Variants in HS6ST3 observed in about 807,000 individuals in gnomAD.
HS6ST3 encodes the protein heparan-sulfate 6-O-sulfotransferase 3.
A neutral mutation model predicts 36.7 loss-of-function variants in HS6ST3; 12 were observed. That is an observed-to-expected ratio of 0.33 (90% CI 0.21 to 0.53). The LOEUF (loss-of-function observed/expected upper bound fraction) is 0.53, where lower values mean the gene tolerates loss of function less well. HS6ST3 is among the 20% of genes least tolerant of loss of function. The pLI is 0.95. For synonymous variants in HS6ST3, 240 were observed against 257.5 expected (o/e 0.93, Z 0.65); for missense variants, 584 against 640.9 (o/e 0.91, Z 0.96).
At chr13:96,365,283 C>A (rs898624016) in intron 1 of HS6ST3, among the ~76,000 whole-genome samples, 1 of 152,176 alleles carries the variant, frequency 6.6e-6, no homozygotes, top group African/African-American at 2.4e-5. Flanking sequence ...GAATGTGCCA[C>A]CCTGTGCCAC....
chr13:96,185,731 C>G (rs1174603613), intron 1 of HS6ST3, among the ~76,000 whole-genome samples: 1 of 152,058 alleles, frequency 6.6e-6, no homozygotes, highest in Non-Finnish European at 1.5e-5. Flanking sequence ...TGGTTCAATT[C>G]CAAAATTTTA....
chr13:96,196,040 G>C (rs1169223612), intron 1 of HS6ST3, among the ~76,000 whole-genome samples: 1 of 152,078 alleles, frequency 6.6e-6, no homozygotes, highest in Non-Finnish European at 1.5e-5. Context: ...TTACTTGTGT[G>C]CTTTTTCCTC....
intron 1 of HS6ST3, among the ~76,000 whole-genome samples, chr13:96,486,745 T>G (rs1190447533): frequency 1.3e-5 from 2 of 152,042 alleles, no homozygotes; most frequent in Non-Finnish European, 2.9e-5. Flanking sequence ...TAGGAGCTCT[T>G]GGATAATAGA....
At chr13:96,121,701 A>T (rs185719879) in intron 1 of HS6ST3, among the ~76,000 whole-genome samples, 1 of 152,152 alleles carries the variant, frequency 6.6e-6, no homozygotes, top group African/African-American at 2.4e-5. Flanking sequence ...GGCTATGGTG[A>T]CTCCATTTGG....
chr13:96,266,853 A>G (rs1325817693), intron 1 of HS6ST3, among the ~76,000 whole-genome samples: 2 of 152,188 alleles, frequency 1.3e-5, no homozygotes, highest in African/African-American at 4.8e-5. Context: ...CAAAATAAAT[A>G]TAGTACCTGC....
chr13:96,125,244 T>C (rs1198633341), intron 1 of HS6ST3, among the ~76,000 whole-genome samples: 1 of 152,050 alleles, frequency 6.6e-6, no homozygotes, highest in African/African-American at 2.4e-5. Flanking sequence ...ATATCCTGGG[T>C]TAAGGTAGTA....
chr13:96,239,460 C>T (rs1329317735), intron 1 of HS6ST3, among the ~76,000 whole-genome samples: 1 of 152,144 alleles, frequency 6.6e-6, no homozygotes, highest in Non-Finnish European at 1.5e-5. Context: ...TCCATAAAAG[C>T]AATTATAACG....
intron 1 of HS6ST3, among the ~76,000 whole-genome samples, chr13:96,098,547 A>G (rs924188316): frequency 6.6e-6 from 1 of 152,206 alleles, no homozygotes; most frequent in Admixed American, 6.5e-5. Context: ...CTGGCCAGGC[A>G]TGGTGGCTCA....
intron 1 of HS6ST3, among the ~76,000 whole-genome samples, chr13:96,684,468 G>A (rs903320631): frequency 2.6e-5 from 4 of 152,004 alleles, no homozygotes; most frequent in East Asian, 1.9e-4. Context: ...ATCAGGGCTA[G>A]GCGACTTATG....
intron 1 of HS6ST3, among the ~76,000 whole-genome samples, chr13:96,737,868 C>T (rs922956707): frequency 6.6e-6 from 1 of 152,106 alleles, no homozygotes; most frequent in East Asian, 1.9e-4. Flanking sequence ...TTCAAGCCAG[C>T]AGTCACATTG....
chr13:96,156,906 G>C (rs1420264868), intron 1 of HS6ST3, among the ~76,000 whole-genome samples: 1 of 151,978 alleles, frequency 6.6e-6, no homozygotes, highest in Non-Finnish European at 1.5e-5. Flanking sequence ...AATGGTGCCT[G>C]GCCAGGAACC....
chr13:96,127,057 T>G (rs2053955625), intron 1 of HS6ST3, among the ~76,000 whole-genome samples: 1 of 152,192 alleles, frequency 6.6e-6, no homozygotes, highest in East Asian at 1.9e-4. Context: ...GACAATGAAG[T>G]GTTTGGCACT....
At chr13:96,183,304 G>A (rs184659190) in intron 1 of HS6ST3, among the ~76,000 whole-genome samples, 4 of 152,208 alleles carry the variant, frequency 2.6e-5, no homozygotes, top group East Asian at 1.9e-4. Context: ...GAATTGAAAC[G>A]TTGATTTCCA....
chr13:96,221,212 G>A (rs2054453468), intron 1 of HS6ST3, among the ~76,000 whole-genome samples: 1 of 152,304 alleles, frequency 6.6e-6, no homozygotes, highest in South Asian at 2.1e-4. Context: ...TAATTAGAAA[G>A]CAGTTAGGGT....
At chr13:96,260,883 G>A (rs955765841) in intron 1 of HS6ST3, among the ~76,000 whole-genome samples, 4 of 151,728 alleles carry the variant, frequency 2.6e-5, no homozygotes, top group African/African-American at 7.2e-5. Context: ...CAAGTGATCC[G>A]CCCTCCTTGG....
intron 1 of HS6ST3, among the ~76,000 whole-genome samples, chr13:96,505,875 C>T (rs1038326239): frequency 6.6e-6 from 1 of 152,064 alleles, no homozygotes; most frequent in Non-Finnish European, 1.5e-5. Flanking sequence ...TTTGCTGTAC[C>T]AGTGCTTTTA....
At chr13:96,558,906 T>C (rs138291635) in intron 1 of HS6ST3, among the ~76,000 whole-genome samples, 2 of 152,190 alleles carry the variant, frequency 1.3e-5, no homozygotes, top group African/African-American at 4.8e-5. Context: ...AATTAACTGT[T>C]GGGCAAGATT....
intron 1 of HS6ST3, among the ~76,000 whole-genome samples, chr13:96,214,531 T>A (rs2054414615): frequency 6.6e-6 from 1 of 152,234 alleles, no homozygotes; most frequent in Non-Finnish European, 1.5e-5. Context: ...AAGCTACCTG[T>A]TCCCCAAACT....
chr13:96,752,873 A>G (rs1320207494), intron 1 of HS6ST3, among the ~76,000 whole-genome samples: 2 of 152,168 alleles, frequency 1.3e-5, no homozygotes, highest in African/African-American at 4.8e-5. Context: ...AGATATAAAG[A>G]TATTTCCCCT....
Sources: gnomAD v4.1 joint callset for allele counts (sites outside exome capture counted in the v4.1 genomes callset) on GRCh38, gnomAD v4.1.1 for gene constraint, MANE v1.5 for transcripts, NCBI Gene and HGNC (gene_info 2026-07-23, HGNC 2026-07-21) for gene names.